UBE2E2: variants seen among roughly 807,000 people sequenced by gnomAD.
The protein encoded by UBE2E2 is ubiquitin conjugating enzyme E2 E2.
A neutral mutation model predicts 24.7 loss-of-function variants in UBE2E2; 6 were observed. The ratio of observed to expected loss-of-function variants is 0.24; its 90% CI spans 0.13 to 0.48. The LOEUF is 0.48. Ranked by LOEUF, UBE2E2 falls within the 20% of genes least tolerant of loss-of-function variation. The pLI, the probability that UBE2E2 is intolerant of heterozygous loss-of-function variation, is 0.99. For synonymous variants in UBE2E2, 104 were observed against 83.6 expected, an observed-to-expected ratio of 1.24 and a Z score of -1.33; for missense variants, 169 against 245.0, an observed-to-expected ratio of 0.69 and a Z score of 2.07.
intron 4 of UBE2E2, among the ~76,000 whole-genome samples, chr3:23,504,912 C>CTTTTTTTTT (rs150970405): frequency 6.3e-5 from 6 of 95,064 alleles, no homozygotes; most frequent in Admixed American, 1.0e-4. Flanking sequence ...GACATTCTTT[C>CTTTTTTTTT]TTTTTTTTTT....
chr3:23,330,478 A>G (rs1174485046), intron 3 of UBE2E2, among the ~76,000 whole-genome samples: 1 of 152,232 alleles, frequency 6.6e-6, no homozygotes, highest in Non-Finnish European at 1.5e-5. Context: ...ACTTTGACAC[A>G]TAAGTACAAG....
chr3:23,235,816 T>C (rs1372701259), intron 3 of UBE2E2, among the ~76,000 whole-genome samples: 1 of 151,996 alleles, frequency 6.6e-6, no homozygotes, highest in Non-Finnish European at 1.5e-5. Flanking sequence ...TTCTGGGAGA[T>C]AAGTGGTTTG....
intron 3 of UBE2E2, among the ~76,000 whole-genome samples, chr3:23,349,154 A>C (rs1695650213): frequency 6.6e-6 from 1 of 152,216 alleles, no homozygotes; most frequent in African/African-American, 2.4e-5. Flanking sequence ...CCTGCTGACC[A>C]AGTGGATGAA....
intron 3 of UBE2E2, among the ~76,000 whole-genome samples, chr3:23,311,235 A>G (rs1170460099): frequency 6.6e-6 from 1 of 152,098 alleles, no homozygotes; most frequent in African/African-American, 2.4e-5. Context: ...TATGTGCCAC[A>G]TTTTCTTAAT....
chr3:23,582,015 G>C (rs2125519318), intron 5 of UBE2E2, among the ~76,000 whole-genome samples: 1 of 152,196 alleles, frequency 6.6e-6, no homozygotes, highest in Admixed American at 6.5e-5. Context: ...TGTCACCCAG[G>C]TAATAAGCAT....
At chr3:23,389,568 A>C (rs1477973972) in intron 3 of UBE2E2, 1 of 228,504 alleles carries the variant, frequency 4.4e-6, no homozygotes, top group East Asian at 8.8e-5. Context: ...CTTCTGATGG[A>C]AGAGGTAAGA....
intron 4 of UBE2E2, among the ~76,000 whole-genome samples, chr3:23,519,873 G>A (rs532557233): frequency 4.0e-5 from 6 of 151,506 alleles, no homozygotes; most frequent in South Asian, 2.1e-4. Flanking sequence ...TTGTAGAGAC[G>A]GAGTTTTACC....
chr3:23,255,786 A>T (rs1376503035), intron 3 of UBE2E2, among the ~76,000 whole-genome samples: 1 of 152,160 alleles, frequency 6.6e-6, no homozygotes, highest in Non-Finnish European at 1.5e-5. Context: ...AGTATCTGGG[A>T]ATAATCATAC....
At chr3:23,373,065 A>G (rs533229327) in intron 3 of UBE2E2, among the ~76,000 whole-genome samples, 46 of 152,278 alleles carry the variant, frequency 3.0e-4, no homozygotes, top group African/African-American at 1.1e-3. Flanking sequence ...ACAGCAGGAT[A>G]GGAAGTCATG....
chr3:23,325,655 C>T (rs1011935785), intron 3 of UBE2E2, among the ~76,000 whole-genome samples: 39 of 152,262 alleles, frequency 2.6e-4, no homozygotes, highest in Admixed American at 8.5e-4. Context: ...ACGTCCTCTC[C>T]GGTGTATTTG....
chr3:23,522,176 G>C (rs796194817), intron 4 of UBE2E2, among the ~76,000 whole-genome samples: 1 of 140,576 alleles, frequency 7.1e-6, no homozygotes, highest in East Asian at 2.1e-4. Flanking sequence ...TGTTGCCCAG[G>C]CTGGAGTGCA....
chr3:23,413,034 C>G (rs1056585465), intron 3 of UBE2E2, among the ~76,000 whole-genome samples: 4 of 108,130 alleles, frequency 3.7e-5, no homozygotes, highest in East Asian at 2.7e-4. Context: ...CATCACACTC[C>G]GGGGACAGTT....
chr3:23,512,361 G>T (rs1175413644), intron 4 of UBE2E2, among the ~76,000 whole-genome samples: 1 of 152,026 alleles, frequency 6.6e-6, no homozygotes, highest in Non-Finnish European at 1.5e-5. Flanking sequence ...AGGACTACAG[G>T]CATGTGCCAC....
intron 3 of UBE2E2, among the ~76,000 whole-genome samples, chr3:23,219,001 G>T (rs1696555068): frequency 6.6e-6 from 1 of 152,152 alleles, no homozygotes; most frequent in Non-Finnish European, 1.5e-5. Context: ...ATTTTTAAAT[G>T]TAGAAGTCAC....
At chr3:23,262,834 G>C (rs964849718) in intron 3 of UBE2E2, among the ~76,000 whole-genome samples, 9 of 152,028 alleles carry the variant, frequency 5.9e-5, no homozygotes, top group African/African-American at 2.2e-4. Flanking sequence ...AATCCTTGCC[G>C]AGAAAAATGT....
intron 3 of UBE2E2, among the ~76,000 whole-genome samples, chr3:23,485,289 T>G (rs809640): frequency 0.18 from 28,030 of 151,730 alleles, 2,609 homozygotes; most frequent in Middle Eastern, 0.23. Flanking sequence ...AGAGACAAGG[T>G]TTCACTGTGT....
intron 3 of UBE2E2, among the ~76,000 whole-genome samples, chr3:23,299,029 G>T (rs1024564605): frequency 6.6e-6 from 1 of 152,210 alleles, no homozygotes; most frequent in Non-Finnish European, 1.5e-5. Context: ...GGATGTATAT[G>T]TCAGGGAATT....
At chr3:23,453,978 A>G (rs1304159844) in intron 3 of UBE2E2, among the ~76,000 whole-genome samples, 2 of 152,104 alleles carry the variant, frequency 1.3e-5, no homozygotes, top group Admixed American at 6.5e-5. Context: ...AGTTTTCTAT[A>G]CTCTTTAATT....
intron 3 of UBE2E2, among the ~76,000 whole-genome samples, chr3:23,409,961 A>G (rs1697461576): frequency 6.6e-6 from 1 of 152,202 alleles, no homozygotes; most frequent in Non-Finnish European, 1.5e-5. Flanking sequence ...TACTGGATGT[A>G]GAGCCCACTG....
Sources: allele counts gnomAD v4.1 joint callset (sites outside exome capture counted in the v4.1 genomes callset), GRCh38; gene constraint gnomAD v4.1.1; transcripts MANE v1.5; gene names NCBI Gene and HGNC (gene_info 2026-07-23, HGNC 2026-07-21).